The following PDE4DIP variants were observed in gnomAD, a reference collection of about 807,000 sequenced individuals.
The protein encoded by PDE4DIP is phosphodiesterase 4D interacting protein, also known as myomegalin.
A neutral mutation model predicts 221.4 loss-of-function variants in PDE4DIP; 59 were observed. That is an observed-to-expected ratio of 0.27 (90% CI 0.22 to 0.33). The LOEUF (loss-of-function observed/expected upper bound fraction) is 0.33, where lower values mean the gene tolerates loss of function less well. Ranked by LOEUF, PDE4DIP falls within the 10% of genes least tolerant of loss-of-function variation. The pLI is 1.00. For synonymous variants in PDE4DIP, 404 were observed against 815.9 expected (o/e 0.50, Z 8.60); for missense variants, 1,036 against 2,154.2 (o/e 0.48, Z 10.28).
chr1:148,864,236 G>A (rs1553404625), intron 2 of PDE4DIP, among the ~76,000 whole-genome samples: 1 of 126,540 alleles, frequency 7.9e-6, no homozygotes, highest in Non-Finnish European at 1.6e-5. Context: ...AGCAGACTCA[G>A]TCTCAAAAAA....
At position 148,948,552 on chromosome 1, in the gene PDE4DIP, T is replaced by C. The variant is rs587755323; in HGVS notation, c.636+10688T>C. ...CTTTTACAGAATTTCTTCTGGGCTA[T>C]ATTTTATAGCATTTCCCTAATTTTC... is the stretch of plus-strand genomic sequence containing the variant. On this transcript the variant is annotated intron_variant, in intron 5 of 43. Coordinates refer to ENST00000369354, the Ensembl canonical transcript of PDE4DIP. Among the ~76,000 whole-genome samples the C allele has an allele frequency of 4.6e-5, 7 of 151,708 alleles. No individual in the cohort carries two copies. In the South Asian group the frequency reaches 1.3e-3, roughly 27 times the overall value.
intron 34 of PDE4DIP, 34 bp downstream of exon 37, chr1:149,017,913 C>T: frequency 6.5e-7 from 1 of 1,544,428 alleles, no homozygotes; most frequent in Non-Finnish European, 8.9e-7. Flanking sequence ...GTTTCTGGCT[C>T]TATTTAGGGA....
At chr1:148,870,826 C>T (rs1778712) in intron 3 of PDE4DIP, among the ~76,000 whole-genome samples, 21 of 147,982 alleles carry the variant, frequency 1.4e-4, no homozygotes, top group African/African-American at 5.0e-4. Context: ...AGAAAAAATA[C>T]AGGAGAGATA....
At chr1:149,009,521 G>C (rs1553602678) in intron 29 of PDE4DIP, 47 bp from the exon 33 acceptor site, 1 of 1,312,312 alleles carries the variant, frequency 7.6e-7, no homozygotes, top group Admixed American at 1.9e-5. Flanking sequence ...GGACAGGTTG[G>C]CTTCGGTGAC....
Position 148,987,668 on chromosome 1 carries a change from C to G in PDE4DIP, c.2816-4217C>G, listed in dbSNP as rs587646423. Among the ~76,000 whole-genome samples the G allele has an allele frequency of 4.6e-5, 7 of 152,262 alleles. No individual in the cohort carries two copies. In the South Asian group the frequency reaches 1.2e-3, roughly 27 times the overall value. On this transcript the variant is annotated intron_variant, in intron 21 of 43. Transcript: ENST00000369354. The stretch of plus-strand genomic sequence containing the variant: ...AGTAACTATATGGAAAAACATCACT[C>G]CTTTTCTGTTTATCCCATATTAGTG...
chr1:149,031,793 A>T (rs2076802377), intron 43 of PDE4DIP, 151 bp from the exon 47 acceptor site: 2 of 719,924 alleles, frequency 2.8e-6, no homozygotes, highest in South Asian at 3.2e-5. Context: ...GCTCCTCCAG[A>T]CTGCAGCGCA....
exon 32 of PDE4DIP, chr1:149,012,638 C>G (rs782635088): frequency 6.2e-7 from 1 of 1,612,274 alleles, no homozygotes; most frequent in Non-Finnish European, 8.5e-7. Flanking sequence ...TCCTCAGGCA[C>G]CATTGCCCTC....
At position 149,009,720 on chromosome 1, in the gene PDE4DIP, C is replaced by T. The variant is rs201432239; in HGVS notation, c.4856C>T (p.Ala1619Val). 73 of 1,613,904 alleles carry T rather than the reference C, an allele frequency of 4.5e-5. No individual in the cohort carries two copies. In the East Asian group the frequency reaches 1.4e-3, roughly 32 times the overall value. Residue 1619 changes from alanine to valine, a missense_variant, in exon 30 of 44, where the codon GCC becomes GTC. Transcript: ENST00000369354. ...TCTTTCCTGTCTGATGAACTGGAAG[C>T]CTGCTCTGACATGGACATAGTCAGC...
chr1:148,918,553 A>T (rs587672097), intron 1 of PDE4DIP, among the ~76,000 whole-genome samples: 31 of 131,854 alleles, frequency 2.4e-4, no homozygotes, highest in African/African-American at 9.1e-4. Flanking sequence ...AACAAATGAT[A>T]CTATCTCAGC....
intron 1 of PDE4DIP, among the ~76,000 whole-genome samples, chr1:148,925,640 C>G (rs2046534106): frequency 6.6e-6 from 1 of 152,010 alleles, no homozygotes; most frequent in African/African-American, 2.4e-5. Flanking sequence ...GCTGGGGTCT[C>G]TGACTGGCAC....
intron 21 of PDE4DIP, 105 bp downstream of exon 24, chr1:148,981,502 A>C: frequency 2.9e-6 from 4 of 1,396,146 alleles, no homozygotes; most frequent in Non-Finnish European, 4.0e-6. Flanking sequence ...CTAACCAGAA[A>C]GATCCTTGTC....
chr1:148,980,458 A>G (rs2060900746), intron 20 of PDE4DIP, among the ~76,000 whole-genome samples: 1 of 152,202 alleles, frequency 6.6e-6, no homozygotes, highest in Non-Finnish European at 1.5e-5. Context: ...CAAAGAAAAT[A>G]TATTAATTGG....
At chr1:148,981,659 G>A (rs1356026164) in intron 21 of PDE4DIP, 7 of 429,218 alleles carry the variant, frequency 1.6e-5, no homozygotes, top group African/African-American at 1.4e-4. Context: ...GTTGCAAAGT[G>A]TATTTGCACA....
intron 37 of PDE4DIP, chr1:149,021,372 A>G (rs2072846435): frequency 6.1e-6 from 3 of 491,864 alleles, no homozygotes; most frequent in Non-Finnish European, 1.1e-5. Flanking sequence ...ATTCCTAATT[A>G]CTTTAAGAAA....
At chr1:148,986,485 GT>G (rs1480470777) in intron 21 of PDE4DIP, 17 of 152,006 alleles carry the variant, frequency 1.1e-4, no homozygotes, top group Non-Finnish European at 1.9e-4. Context: ...AAACTATTTG[GT>G]TTTATTCTTA....
intron 9 of PDE4DIP, among the ~76,000 whole-genome samples, chr1:148,964,132 A>T (rs1157693131): frequency 7.7e-6 from 1 of 130,386 alleles, no homozygotes; most frequent in Non-Finnish European, 1.6e-5. Context: ...TTTTTGAGAC[A>T]GAGTTTTGCT....
At chr1:148,968,606 C>T (rs1440848968) in intron 13 of PDE4DIP, among the ~76,000 whole-genome samples, 2 of 151,448 alleles carry the variant, frequency 1.3e-5, no homozygotes, top group African/African-American at 4.9e-5. Context: ...TGTAAGTGGC[C>T]ACCAGAGATA....
At chr1:148,906,703 G>A (rs587658556) in intron 1 of PDE4DIP, among the ~76,000 whole-genome samples, 1 of 86,486 alleles carries the variant, frequency 1.2e-5, no homozygotes, top group African/African-American at 5.1e-5. Flanking sequence ...GTTGGACAAG[G>A]CCTTTTATCA....
At chr1:149,023,531 A>G (rs1308975931) in intron 37 of PDE4DIP, among the ~76,000 whole-genome samples, 43 of 147,478 alleles carry the variant, frequency 2.9e-4, no homozygotes, top group Non-Finnish European at 5.5e-4. Context: ...GGAGGTAAAT[A>G]TATATACATA....
Sources: gnomAD v4.1 joint callset for allele counts (sites outside exome capture counted in the v4.1 genomes callset) on GRCh38, gnomAD v4.1.1 for gene constraint, MANE v1.5 for transcripts, NCBI Gene and HGNC (gene_info 2026-07-23, HGNC 2026-07-21) for gene names.